Variants in FSIP2 observed in about 807,000 individuals in gnomAD.
FSIP2 encodes the protein fibrous sheath-interacting protein 2.
FSIP2 carries 367 observed loss-of-function variants against 510.5 expected under a neutral mutation model. The ratio of observed to expected loss-of-function variants is 0.72; its 90% CI spans 0.66 to 0.78. FSIP2 has a LOEUF of 0.78. Ranked by LOEUF, FSIP2 falls within the 30% of genes least tolerant of loss-of-function variation. FSIP2 has a pLI of 0.00. For synonymous variants in FSIP2, 2,601 were observed against 2,732.2 expected (o/e 0.95, Z 1.50); for missense variants, 7,594 against 7,901.7 (o/e 0.96, Z 1.48).
In FSIP2 at chr2:185,813,889, T is replaced by C. The variant is rs1693785022; in HGVS notation, c.20172T>C (p.Ser6724=). 1 of 1,613,538 alleles carries C rather than the reference T, an allele frequency of 6.2e-7. No homozygotes were observed. Among genetic ancestry groups the C allele is most frequent in the Non-Finnish European group, 8.5e-7 (1 of 1,179,774 alleles). The change falls in exon 18 of 23, where the codon AGT becomes AGC. Residue 6724 remains serine, a synonymous_variant. Coordinates refer to ENST00000424728, the MANE Select transcript of FSIP2 (RefSeq NM_173651.4). ...GTAAATGTTGTCAGACCACAGCCAG[T>C]GCAAATATTGAAAGTACTGAAGCAA... ...SLSKCCQTTA[S]ANIESTEAIS...
Position 185,792,150 on chromosome 2 carries a change from C to T in FSIP2, c.5014C>T (p.Pro1672Ser). The T allele has an allele frequency of 6.5e-7, 1 of 1,533,074 alleles. No homozygotes were observed. The highest frequency in any genetic ancestry group is 8.7e-7 in the Non-Finnish European group (1 of 1,145,168). 95.0% of individuals were successfully genotyped at this position (1,533,074 alleles called of 1,614,324 possible). Residue 1672 changes from proline (P) to serine (S), a missense_variant, in exon 16 of 23, where the codon CCA (proline) becomes TCA (serine). Pro to Ser is a moderately conservative substitution (Grantham distance 74, BLOSUM62 -1). Transcript: ENST00000424728. ...AGATTTGAAGACAAGTGTAGAAAACCCACCACCTGAGACTCAAATACTTAA... is the reference window on the plus strand; with the variant it reads ...AGATTTGAAGACAAGTGTAGAAAACTCACCACCTGAGACTCAAATACTTAA... Reference protein sequence around the residue: ...SSDLKTSVENPPPETQILKYV... With the variant: ...SSDLKTSVENSPPETQILKYV...
Position 185,790,926 on chromosome 2 carries a change from A to G in FSIP2, c.3790A>G (p.Ile1264Val). Residue 1264 changes from isoleucine (I) to valine (V), a missense_variant, in exon 16 of 23, where the codon ATT (isoleucine) becomes GTT (valine). Ile to Val is a conservative substitution (Grantham distance 29). Coordinates refer to ENST00000424728, the MANE Select transcript of FSIP2 (RefSeq NM_173651.4). ...KPVDDINDKI[I>V]RTIFKRLKSF... The stretch of plus-strand genomic sequence containing the variant: ...TGTAGATGACATTAATGATAAGATC[A>G]TTCGTACAATTTTTAAAAGACTGAA... 1 of 1,524,800 alleles carries G rather than the reference A, an allele frequency of 6.6e-7. No individual in the cohort carries two copies. The highest frequency in any genetic ancestry group is 8.7e-7 in the Non-Finnish European group (1 of 1,142,980). 94.5% of individuals were successfully genotyped at this position (1,524,800 alleles called of 1,614,324 possible). A position where few individuals can be genotyped will look rare whatever the true frequency, so the allele number is the denominator to read the frequency against.
chr2:185,779,549 T>C (rs10931196), intron 13 of FSIP2, among the ~76,000 whole-genome samples: 47,650 of 151,972 alleles, frequency 0.31, 7,728 homozygotes, highest in East Asian at 0.45. Flanking sequence ...TATGTTGAAG[T>C]ATATTTAAAA....
chr2:185,763,938 T>G (rs1692405222), intron 12 of FSIP2, among the ~76,000 whole-genome samples: 1 of 151,638 alleles, frequency 6.6e-6, no homozygotes, highest in African/African-American at 2.4e-5. Flanking sequence ...AGTTTTATAA[T>G]AAACATTTGA....
chr2:185,815,870 G>T (rs1693815775), intron 19 of FSIP2, among the ~76,000 whole-genome samples: 1 of 151,986 alleles, frequency 6.6e-6, no homozygotes, highest in African/African-American at 2.4e-5. Context: ...GAATCCAAAG[G>T]AATGAGAAAG....
At chr2:185,773,051 G>C (rs899551466) in intron 13 of FSIP2, among the ~76,000 whole-genome samples, 10 of 151,714 alleles carry the variant, frequency 6.6e-5, no homozygotes, top group African/African-American at 2.4e-4. Flanking sequence ...AGTACAGATG[G>C]GGTTTTGTCA....
In FSIP2 at chr2:185,792,410, C is replaced by CG; in HGVS notation, c.5275dup (p.Glu1759GlyfsTer8). On this transcript the variant is annotated frameshift_variant, in exon 16 of 23. Coordinates refer to ENST00000424728, the MANE Select transcript of FSIP2 (RefSeq NM_173651.4). LOFTEE classifies it high-confidence loss of function. ...CACGTTCTCTTAAACAATGGGCTCT[C>CG]GAAAAAACCTTAAACAAAATTGAAG... 1 of 1,533,626 alleles carries CG rather than the reference C, an allele frequency of 6.5e-7. No homozygotes were observed. Among genetic ancestry groups the CG allele is most frequent in the Non-Finnish European group, 8.7e-7 (1 of 1,145,314 alleles).
In FSIP2 at chr2:185,808,581, T is replaced by A; in HGVS notation, c.19275T>A (p.Val6425=). The change falls in exon 17 of 23, where the codon GTT becomes GTA. Residue 6425 remains valine (V), a synonymous_variant. Transcript: ENST00000424728. The part of the protein sequence containing the change: ...TERIYQVVDS[V]YSNILQQSGT... Reference sequence around the variant, plus strand: ...GGATTTATCAGGTTGTCGATTCCGTTTATAGTAACATACTGCAACAATCAG... The same window carrying A: ...GGATTTATCAGGTTGTCGATTCCGTATATAGTAACATACTGCAACAATCAG... 2 of 1,611,842 alleles carry A rather than the reference T, an allele frequency of 1.2e-6. No homozygotes were observed. Among genetic ancestry groups the A allele is most frequent in the Non-Finnish European group, 1.7e-6 (2 of 1,178,852 alleles).
rs574428095 is a variant in FSIP2, at chr2:185,802,955, A to G, written c.13649A>G (p.Asn4550Ser). The G allele has an allele frequency of 1.3e-6, 2 of 1,526,644 alleles. No homozygotes were observed. The highest frequency in any genetic ancestry group is 1.4e-5 in the African/African-American group (1 of 72,538). The allele number at this position is 1,526,644 out of a possible 1,614,324, so 94.6% of individuals were successfully genotyped here. The change falls in exon 17 of 23, where the codon AAT becomes AGT. Residue 4550 changes from asparagine (N) to serine (S), a missense_variant. Transcript: ENST00000424728. ...IQHLVDSVFANVVQTSGSQES... is the reference protein window; with the variant it reads ...IQHLVDSVFASVVQTSGSQES... Reference sequence around the variant, plus strand: ...CACCTTGTTGATTCAGTATTTGCAAATGTTGTGCAAACCTCTGGTTCTCAA... The same window carrying G: ...CACCTTGTTGATTCAGTATTTGCAAGTGTTGTGCAAACCTCTGGTTCTCAA...
At position 185,806,128 on chromosome 2, in the gene FSIP2, T is replaced by C. The variant is rs1018530505; in HGVS notation, c.16822T>C (p.Tyr5608His). ...EVLGSDSEIG[Y>H]KKKIDNARES... ...ACTTGGATCAGATTCTGAAATAGGC[T>C]ATAAAAAGAAGATTGACAATGCAAG... The change falls in exon 17 of 23, where the codon TAT becomes CAT. Residue 5608 changes from tyrosine to histidine, a missense_variant. Coordinates refer to ENST00000424728, the MANE Select transcript of FSIP2 (RefSeq NM_173651.4). 6.4e-7 allele frequency: 1 copy of C among 1,573,614 alleles called. No individual in the cohort carries two copies. The highest frequency in any genetic ancestry group is 1.4e-5 in the African/African-American group (1 of 72,536).
At position 185,764,532 on chromosome 2, in the gene FSIP2, C is replaced by G; in HGVS notation, c.1378C>G (p.Pro460Ala). 1 of 1,530,864 alleles carries G rather than the reference C, an allele frequency of 6.5e-7. No homozygotes were observed. Among genetic ancestry groups the G allele is most frequent in the African/African-American group, 1.4e-5 (1 of 72,774 alleles). The allele number at this position is 1,530,864 out of a possible 1,614,324, so 94.8% of individuals were successfully genotyped here. The change falls in exon 13 of 23, where the codon CCA becomes GCA. Residue 460 changes from proline (P) to alanine (A), a missense_variant. By Grantham distance (27) the Pro-to-Ala change is conservative. Coordinates refer to ENST00000424728, the MANE Select transcript of FSIP2 (RefSeq NM_173651.4). ...GACAAATGCTGATTGGGATGGAAGACCAACCAAGAGATCAAGCTATCTCTG... is the reference window on the plus strand; with the variant it reads ...GACAAATGCTGATTGGGATGGAAGAGCAACCAAGAGATCAAGCTATCTCTG... ...KETNADWDGR[P>A]TKRSSYLCES...
Position 185,813,586 on chromosome 2 carries a change from T to G in FSIP2, c.19869T>G (p.Asp6623Glu), listed in dbSNP as rs1693776931. 6.4e-7 allele frequency: 1 copy of G among 1,555,260 alleles called. No homozygotes were observed. Among genetic ancestry groups the G allele is most frequent in the Non-Finnish European group, 8.7e-7 (1 of 1,154,876 alleles). ...RNSFQNIRKP[D>E]ITKVELLKDV... ...CATTTCAGAATATAAGAAAGCCTGA[T>G]ATTACAAAGGTGGAGCTCTTAAAAG... Residue 6623 changes from aspartate (D) to glutamate (E), a missense_variant, in exon 18 of 23, where the codon GAT (aspartate) becomes GAG (glutamate). By Grantham distance (45) the Asp-to-Glu change is conservative (BLOSUM62 2). Transcript: ENST00000424728.
Position 185,743,204 on chromosome 2 carries a change from C to A in FSIP2, c.297C>A (p.Ser99Arg). ...YCRLLENQYK[S>R]LHDPHLKAYY... ...GACTTTTGGAAAACCAATATAAAAG[C>A]CTCCATGATCCACATTTAAAAGCAT... Residue 99 changes from serine (S) to arginine (R), a missense_variant, in exon 3 of 23, where the codon AGC (serine) becomes AGA (arginine). Physicochemically the swap from Ser to Arg is moderately radical, Grantham distance 110 (BLOSUM62 -1). Transcript: ENST00000424728. The A allele has an allele frequency of 6.5e-7, 1 of 1,529,498 alleles. No homozygotes were observed. Among genetic ancestry groups the A allele is most frequent in the Middle Eastern group, 1.7e-4 (1 of 5,954 alleles). 94.7% of individuals were successfully genotyped at this position (1,529,498 alleles called of 1,614,324 possible). A position where few individuals can be genotyped will look rare whatever the true frequency, so the allele number is the denominator to read the frequency against.
intron 17 of FSIP2, among the ~76,000 whole-genome samples, chr2:185,809,747 G>GT (rs1553501929): frequency 4.0e-5 from 6 of 151,644 alleles, no homozygotes; most frequent in Admixed American, 2.6e-4. Context: ...TTACACACTT[G>GT]TTTTTTTTAA....
chr2:185,786,620 G>A (rs1692985051), intron 15 of FSIP2, among the ~76,000 whole-genome samples: 1 of 151,854 alleles, frequency 6.6e-6, no homozygotes, highest in Non-Finnish European at 1.5e-5. Context: ...TAATCAATAA[G>A]GCCTTTCAGA....
chr2:185,751,461 C>CTGTGTGTGTGTGTGTG (rs56395901), intron 7 of FSIP2, among the ~76,000 whole-genome samples: 17 of 135,874 alleles, frequency 1.3e-4, no homozygotes, highest in East Asian at 6.6e-4. Flanking sequence ...CTTTATTTTT[C>CTGTGTGTGTGTGTGTG]TGTGTGTGTG....
Position 185,791,860 on chromosome 2 carries a change from C to T in FSIP2, c.4724C>T (p.Pro1575Leu). Residue 1575 changes from proline to leucine, a missense_variant, in exon 16 of 23, where the codon CCA becomes CTA. By Grantham distance (98) the Pro-to-Leu change is moderately conservative (BLOSUM62 -3). Transcript: ENST00000424728. Reference protein sequence around the residue: ...SKTPSTKEMHPNKLKAVASDI... With the variant: ...SKTPSTKEMHLNKLKAVASDI... ...ACACCAAGCACAAAAGAAATGCATCCAAATAAACTAAAAGCTGTAGCTTCA... is the reference window on the plus strand; with the variant it reads ...ACACCAAGCACAAAAGAAATGCATCTAAATAAACTAAAAGCTGTAGCTTCA... 6.5e-7 allele frequency: 1 copy of T among 1,533,734 alleles called. No homozygotes were observed.
At chr2:185,787,661 G>T (rs1167478648) in intron 15 of FSIP2, among the ~76,000 whole-genome samples, 1 of 151,682 alleles carries the variant, frequency 6.6e-6, no homozygotes, top group African/African-American at 2.4e-5. Flanking sequence ...CTAAATAGAG[G>T]TTTATAGAAT....
rs1340007457 is a variant in FSIP2 at position 185,792,370 on chromosome 2, G to A, written c.5234G>A (p.Arg1745Lys). 4 of 1,531,576 alleles carry A rather than the reference G, an allele frequency of 2.6e-6. No individual in the cohort carries two copies. Among genetic ancestry groups the A allele is most frequent in the East Asian group, 4.9e-5 (2 of 40,846 alleles). 94.9% of individuals were successfully genotyped at this position (1,531,576 alleles called of 1,614,324 possible). Reference protein sequence around the residue: ...KKIIDERSPQREEVKTRSLKQ... With the variant: ...KKIIDERSPQKEEVKTRSLKQ... ...ATTATTGATGAGAGATCCCCACAAA[G>A]AGAAGAAGTGAAAACACGTTCTCTT... is the stretch of plus-strand genomic sequence containing the variant. The change falls in exon 16 of 23, where the codon AGA becomes AAA. Residue 1745 changes from arginine to lysine, a missense_variant. Arg to Lys is a conservative substitution (Grantham distance 26). Coordinates refer to ENST00000424728, the MANE Select transcript of FSIP2 (RefSeq NM_173651.4).
Sources: gnomAD v4.1 joint callset for allele counts (sites outside exome capture counted in the v4.1 genomes callset) on GRCh38, gnomAD v4.1.1 for gene constraint, MANE v1.5 for transcripts, NCBI Gene and HGNC (gene_info 2026-07-23, HGNC 2026-07-21) for gene names.